Variants in NCK1 observed in about 807,000 individuals in gnomAD.
The protein encoded by NCK1 is SH2/SH3 adapter protein NCK1.
NCK1 carries 19 observed loss-of-function variants against 36.6 expected under a neutral mutation model. The observed-to-expected ratio is 0.52, with a 90% CI of 0.36 to 0.76. NCK1 has a LOEUF of 0.76. Among genes scored for constraint, NCK1 ranks in the 30% least tolerant of loss-of-function variants. The pLI is 0.00. For synonymous variants in NCK1, 165 were observed against 156.0 expected, an observed-to-expected ratio of 1.06 and a Z score of -0.43; for missense variants, 358 against 445.6, an observed-to-expected ratio of 0.80 and a Z score of 1.77.
At chr3:136,864,358 G>A (rs1201137128) in intron 1 of NCK1, among the ~76,000 whole-genome samples, 10 of 151,824 alleles carry the variant, frequency 6.6e-5, no homozygotes, top group African/African-American at 2.4e-4. Context: ...GGGCGTGGTG[G>A]CACGCACCTG....
rs71134421 is a variant in NCK1 at position 136,923,559 on chromosome 3, CAAATAAAT to C, written c.-18-4396_-18-4389del. 3.0e-3 allele frequency among the ~76,000 whole-genome samples: 433 copies of C among 145,680 alleles called. 3 individuals carry two copies. Among genetic ancestry groups the C allele is most frequent in the African/African-American group, 0.011 (411 of 38,976 alleles). Reference sequence around the variant, plus strand: ...GACAGTGCAGTGCGAGACTCCGTCTCAAATAAATAAATAAATAAATAAATAAATAAATA... The same window carrying C: ...GACAGTGCAGTGCGAGACTCCGTCTCAAATAAATAAATAAATAAATAAATA... On this transcript the variant is annotated intron_variant, in intron 1 of 3. Coordinates refer to ENST00000481752, the MANE Select transcript of NCK1 (RefSeq NM_001291999.2).
chr3:136,920,059 A>C (rs1940065374), intron 1 of NCK1, among the ~76,000 whole-genome samples: 1 of 152,116 alleles, frequency 6.6e-6, no homozygotes, highest in Non-Finnish European at 1.5e-5. Context: ...GTAATGCAAA[A>C]AGACAAGGCA....
chr3:136,906,497 C>G (rs7651085), intron 1 of NCK1, among the ~76,000 whole-genome samples: 95,299 of 151,984 alleles, frequency 0.63, 30,190 homozygotes, highest in East Asian at 0.87. Flanking sequence ...AATTGCCTGT[C>G]CTTGGGCTTC....
chr3:136,926,965 T>TTTTA (rs1203112856), intron 1 of NCK1, among the ~76,000 whole-genome samples: 12 of 152,032 alleles, frequency 7.9e-5, no homozygotes, highest in African/African-American at 2.4e-4. Flanking sequence ...TTAATAATGT[T>TTTTA]TGTATTTATT....
chr3:136,881,578 A>G (rs936900132), intron 1 of NCK1, among the ~76,000 whole-genome samples: 4 of 152,186 alleles, frequency 2.6e-5, no homozygotes, highest in Non-Finnish European at 4.4e-5. Context: ...CATTTTAAGT[A>G]TACAGTTCAG....
chr3:136,948,160 C>G (rs1940876641), intron 3 of NCK1, 99 bp from the exon 4 acceptor site: 1 of 890,862 alleles, frequency 1.1e-6, no homozygotes, highest in Admixed American at 3.1e-5. Context: ...GTGCCTAGGA[C>G]TTAGTAAGTG....
At position 136,865,285 on chromosome 3, in the gene NCK1, A is replaced by G. The variant is rs1397641383; in HGVS notation, c.-19+2932A>G. Among the ~76,000 whole-genome samples the G allele has an allele frequency of 3.3e-5, 5 of 152,120 alleles. No individual in the cohort carries two copies. The East Asian group carries it at 5.8e-4, about 18-fold the overall frequency. ...TTTTTAGTAGAGACGGAGTTTCACC[A>G]TGTTGGCAAGGCTGGTCTCGAACTC... On this transcript the variant is annotated intron_variant, in intron 1 of 3. Transcript: ENST00000481752.
At chr3:136,885,658 C>G (rs780924907) in intron 1 of NCK1, among the ~76,000 whole-genome samples, 4 of 152,192 alleles carry the variant, frequency 2.6e-5, no homozygotes, top group African/African-American at 9.7e-5. Context: ...GATATTAATA[C>G]TGATTGTATC....
intron 1 of NCK1, among the ~76,000 whole-genome samples, chr3:136,903,552 G>A (rs994542970): frequency 2.6e-5 from 4 of 151,918 alleles, no homozygotes; most frequent in Non-Finnish European, 5.9e-5. Flanking sequence ...AGCTTCCTGA[G>A]TAGCTGGGAT....
chr3:136,870,061 T>C (rs1370315637), intron 1 of NCK1, among the ~76,000 whole-genome samples: 4 of 138,116 alleles, frequency 2.9e-5, no homozygotes, highest in Non-Finnish European at 6.1e-5. Flanking sequence ...AAAAGAATCA[T>C]CCTGGCCCAG....
intron 1 of NCK1, among the ~76,000 whole-genome samples, chr3:136,894,883 T>TGTTTTG (rs34746192): frequency 3.3e-5 from 5 of 151,710 alleles, no homozygotes; most frequent in Non-Finnish European, 7.4e-5. Context: ...TGTTTTGTTT[T>TGTTTTG]TTTTTTGAGA....
intron 1 of NCK1, among the ~76,000 whole-genome samples, chr3:136,871,786 G>A (rs998429058): frequency 5.3e-5 from 8 of 152,138 alleles, no homozygotes; most frequent in South Asian, 2.1e-4. Context: ...GGCCTTTCTC[G>A]TGCTGTTCTT....
chr3:136,896,367 G>C (rs78938153), intron 1 of NCK1, among the ~76,000 whole-genome samples: 2 of 152,196 alleles, frequency 1.3e-5, no homozygotes, highest in East Asian at 3.9e-4. Context: ...TAAACCCACT[G>C]AATGAGTTAG....
At chr3:136,924,896 A>T (rs910574012) in intron 1 of NCK1, among the ~76,000 whole-genome samples, 1 of 152,176 alleles carries the variant, frequency 6.6e-6, no homozygotes, top group African/African-American at 2.4e-5. Flanking sequence ...TAAAAAAGGG[A>T]AAAGGTCAGG....
chr3:136,866,411 G>A (rs1271123614), intron 1 of NCK1, among the ~76,000 whole-genome samples: 1 of 151,284 alleles, frequency 6.6e-6, no homozygotes, highest in Non-Finnish European at 1.5e-5. Context: ...GGGTTCAAGC[G>A]ATTCTCCTAC....
At chr3:136,922,091 G>GT (rs1003794885) in intron 1 of NCK1, among the ~76,000 whole-genome samples, 4 of 152,088 alleles carry the variant, frequency 2.6e-5, no homozygotes, top group Non-Finnish European at 5.9e-5. Context: ...CCACTGAGTG[G>GT]TTTTTAAGGG....
chr3:136,896,752 C>T (rs760599913), intron 1 of NCK1, among the ~76,000 whole-genome samples: 2 of 152,096 alleles, frequency 1.3e-5, no homozygotes, highest in African/African-American at 2.4e-5. Context: ...CCTCCTGCCT[C>T]GGCCTCCCAG....
intron 1 of NCK1, among the ~76,000 whole-genome samples, chr3:136,892,032 G>T (rs1198417855): frequency 6.6e-6 from 1 of 152,128 alleles, no homozygotes; most frequent in African/African-American, 2.4e-5. Flanking sequence ...AGGACTATAG[G>T]TGCATGCCAC....
At chr3:136,876,259 C>G (rs1207022043) in intron 1 of NCK1, among the ~76,000 whole-genome samples, 2 of 151,980 alleles carry the variant, frequency 1.3e-5, no homozygotes, top group East Asian at 3.9e-4. Flanking sequence ...AAAGCAAGAG[C>G]AAACACATTC....
Sources: allele counts gnomAD v4.1 joint callset (sites outside exome capture counted in the v4.1 genomes callset), GRCh38; gene constraint gnomAD v4.1.1; transcripts MANE v1.5; gene names NCBI Gene and HGNC (gene_info 2026-07-23, HGNC 2026-07-21).